Variants in CCND3 observed in about 807,000 individuals in gnomAD.
The protein encoded by CCND3 is G1/S-specific cyclin-D3.
In CCND3, 9 loss-of-function variants were observed where a neutral mutation model predicts 28.7. That is an observed-to-expected ratio of 0.31 (90% CI 0.19 to 0.55). CCND3 has a LOEUF of 0.55. Among genes scored for constraint, CCND3 ranks in the 20% least tolerant of loss-of-function variants. The pLI is 0.93. For missense variants in CCND3, 315 were observed against 385.8 expected (o/e 0.82, Z 1.54); for synonymous variants, 164 against 163.9 (o/e 1.00, Z 0.00).
Position 42,045,012 on chromosome 6 carries a change from G to A in CCND3, c.-46+3489C>T, listed in dbSNP as rs1196029903. 2.1e-5 allele frequency among the ~76,000 whole-genome samples: 3 copies of A among 145,370 alleles called. No homozygotes were observed. In the Admixed American group the frequency reaches 2.1e-4, roughly 10 times the overall value. On this transcript the variant is annotated intron_variant, in intron 1 of 4. Transcript: ENST00000372988. ...GTAGAGATGAGGTTTCACCATGTTG[G>A]TCAGGCTGGTCTCGAACTGCTGACC...
At chr6:42,009,721 C>T (rs1343698779) in intron 1 of CCND3, among the ~76,000 whole-genome samples, 2 of 152,146 alleles carry the variant, frequency 1.3e-5, no homozygotes, top group African/African-American at 4.8e-5. Flanking sequence ...GTGGGCAGAT[C>T]GCTTGAACCC....
intron 1 of CCND3, among the ~76,000 whole-genome samples, chr6:41,949,587 C>T (rs1276211281): frequency 1.3e-5 from 2 of 150,532 alleles, no homozygotes; most frequent in Non-Finnish European, 3.0e-5. Context: ...AGCGAGACTC[C>T]GTCTCAAAAC....
Position 41,935,704 on chromosome 6 carries a change from G to A in CCND3, c.*236C>T. On this transcript the variant is annotated 3_prime_UTR_variant, in exon 5 of 5. Transcript: ENST00000372991. ...CCACCCCCAGCTAGAGTTGGGAAAG[G>A]CGCTGCTGGTCAGATGCAGGGAGGA... is the stretch of plus-strand genomic sequence containing the variant. The A allele has an allele frequency of 5.5e-6, 3 of 543,710 alleles. No homozygotes were observed. The highest frequency in any genetic ancestry group is 3.0e-5 in the Admixed American group (1 of 33,398). The allele number at this position is 543,710 out of a possible 1,614,324, so 33.7% of individuals were successfully genotyped here.
At chr6:42,045,558 A>C (rs1764515140) in intron 1 of CCND3, among the ~76,000 whole-genome samples, 1 of 152,172 alleles carries the variant, frequency 6.6e-6, no homozygotes, top group African/African-American at 2.4e-5. Flanking sequence ...GGGAAGAGAA[A>C]AGTGAAGGGG....
chr6:41,987,669 A>T (rs1185130924), intron 1 of CCND3, among the ~76,000 whole-genome samples: 3 of 143,436 alleles, frequency 2.1e-5, no homozygotes, highest in Non-Finnish European at 3.1e-5. Flanking sequence ...TACTCAGCTA[A>T]TTTTTTTTTT....
intron 1 of CCND3, among the ~76,000 whole-genome samples, chr6:42,015,343 A>G (rs1302980201): frequency 6.6e-6 from 1 of 152,174 alleles, no homozygotes; most frequent in South Asian, 2.1e-4. Flanking sequence ...AATGAGGACT[A>G]TGTGACAAGT....
chr6:42,019,206 G>A (rs1037818443), intron 1 of CCND3, among the ~76,000 whole-genome samples: 1 of 151,978 alleles, frequency 6.6e-6, no homozygotes, highest in Non-Finnish European at 1.5e-5. Flanking sequence ...AGGAAATGTA[G>A]GCCTGGAGCG....
rs1422091457 is a variant in CCND3 at position 41,941,084 on chromosome 6, G to A, written c.198+368C>T. On this transcript the variant is annotated intron_variant, in intron 1 of 4. Transcript: ENST00000372991. This position sits in a 1 kb window ranked among gnomAD's most constrained non-coding sequence, Gnocchi z 6.1. The stretch of plus-strand genomic sequence containing the variant: ...GCGAAAGACACAGGAACCGGCTCCC[G>A]GGCGGGGGCGGCCGAGCCCAGGGTT... 2.6e-6 allele frequency: 4 copies of A among 1,553,612 alleles called. No homozygotes were observed. The highest frequency in any genetic ancestry group is 3.5e-6 in the Non-Finnish European group (4 of 1,149,854).
At chr6:42,033,247 T>C (rs1454564563) in intron 1 of CCND3, among the ~76,000 whole-genome samples, 1 of 149,330 alleles carries the variant, frequency 6.7e-6, no homozygotes, top group Non-Finnish European at 1.5e-5. Flanking sequence ...AGGTCAGGAG[T>C]TCGAGACCAG....
intron 1 of CCND3, among the ~76,000 whole-genome samples, chr6:41,947,517 T>C (rs1271543265): frequency 6.6e-6 from 1 of 152,212 alleles, no homozygotes; most frequent in Non-Finnish European, 1.5e-5. Flanking sequence ...ACACTTGGTG[T>C]CATTCCTGAC....
chr6:42,043,112 G>C (rs4236079), intron 1 of CCND3, among the ~76,000 whole-genome samples: 65,836 of 152,166 alleles, frequency 0.43, 14,352 homozygotes, highest in East Asian at 0.5. Flanking sequence ...GGGTGTCTCT[G>C]GCCAGGCACA....
chr6:41,982,170 T>C lies in CCND3; in HGVS notation c.-45-41585A>G, dbSNP rs527911117. Among the ~76,000 whole-genome samples the C allele has an allele frequency of 3.4e-3, 520 of 151,770 alleles. 3 individuals carry two copies. Among genetic ancestry groups the C allele is most frequent in the Non-Finnish European group, 4.6e-3 (310 of 67,950 alleles). ...CTGTAGTCCCAGCTGCTTGGGATGC[T>C]GAGGCAGGAGAATCGCTTGAGCCCG... On this transcript the variant is annotated intron_variant, in intron 1 of 4. Transcript: ENST00000372988.
intron 1 of CCND3, among the ~76,000 whole-genome samples, chr6:41,978,587 G>T (rs1339522272): frequency 6.6e-6 from 1 of 151,996 alleles, no homozygotes; most frequent in Non-Finnish European, 1.5e-5. Flanking sequence ...TTGAAAAGAG[G>T]ATTCCTACCA....
intron 1 of CCND3, among the ~76,000 whole-genome samples, chr6:41,955,866 T>C (rs950035592): frequency 6.6e-6 from 1 of 152,042 alleles, no homozygotes; most frequent in East Asian, 1.9e-4. Context: ...GCAGGAAAAT[T>C]GCTTATGCCT....
intron 1 of CCND3, among the ~76,000 whole-genome samples, chr6:42,037,580 T>A (rs1373608713): frequency 6.6e-6 from 1 of 152,158 alleles, no homozygotes; most frequent in Non-Finnish European, 1.5e-5. Flanking sequence ...GAGTTTCTTA[T>A]TGTTACTTTA....
chr6:41,968,223 C>T (rs899351332), intron 1 of CCND3, among the ~76,000 whole-genome samples: 1 of 152,084 alleles, frequency 6.6e-6, no homozygotes, highest in African/African-American at 2.4e-5. Flanking sequence ...TCTCACAGCT[C>T]ATATATGAAA....
rs377167826 is a variant in CCND3 at position 41,940,350 on chromosome 6, G to A, written c.414+20C>T. On this transcript the variant is annotated intron_variant, in intron 2 of 4. Transcript: ENST00000372991. ...TGGGGAGACAATACGTGTCGGGGGT[G>A]GGGGGAGTTACACACGCACCCGCAA... is the stretch of plus-strand genomic sequence containing the variant. The A allele has an allele frequency of 1.3e-6, 2 of 1,583,416 alleles. No individual in the cohort carries two copies. The highest frequency in any genetic ancestry group is 1.7e-5 in the Admixed American group (1 of 59,968).
At chr6:42,010,674 C>T (rs4445045) in intron 1 of CCND3, among the ~76,000 whole-genome samples, 15,225 of 152,070 alleles carry the variant, frequency 0.1, 776 homozygotes, top group South Asian at 0.11. Context: ...TGCTCCTCTG[C>T]GGGGTGGAGC....
chr6:41,974,599 C>T lies in CCND3; in HGVS notation c.-45-34014G>A, dbSNP rs1420490879. On this transcript the variant is annotated intron_variant, in intron 1 of 4. Coordinates refer to the CCND3 transcript ENST00000372988. ...AGGGTCCCAAGTGCCCATGCTATTA[C>T]TCAACAACAGCCCAACTTAGCCGGG... Among the ~76,000 whole-genome samples the T allele has an allele frequency of 3.3e-5, 5 of 152,246 alleles. No homozygotes were observed. In the East Asian group the frequency reaches 5.8e-4, roughly 18 times the overall value.
Sources: allele counts gnomAD v4.1 joint callset (sites outside exome capture counted in the v4.1 genomes callset), GRCh38; gene constraint gnomAD v4.1.1; non-coding constraint Gnocchi (gnomAD v3.1); transcripts MANE v1.5; gene names NCBI Gene and HGNC (gene_info 2026-07-23, HGNC 2026-07-21).